The following STARD9 variants were observed in gnomAD, a reference collection of about 807,000 sequenced individuals.
STARD9 encodes the protein StAR related lipid transfer domain containing 9, also known as stAR-related lipid transfer protein 9.
A neutral mutation model predicts 399.8 loss-of-function variants in STARD9; 346 were observed. That is an observed-to-expected ratio of 0.87 (90% CI 0.79 to 0.95). The LOEUF (loss-of-function observed/expected upper bound fraction) is 0.95. STARD9 is among the 40% of genes least tolerant of loss of function. The pLI, the probability that STARD9 is intolerant of heterozygous loss-of-function variation, is 0.00. For synonymous variants in STARD9, 2,203 were observed against 2,143.5 expected (o/e 1.03, Z -0.77); for missense variants, 5,832 against 5,667.5 (o/e 1.03, Z -0.93).
Position 42,692,569 on chromosome 15 carries a change from G to C in STARD9, c.10991G>C (p.Ser3664Thr). Residue 3664 changes from serine to threonine, a missense_variant, in exon 23 of 33, where the codon AGT becomes ACT. Ser to Thr is a moderately conservative substitution (Grantham distance 58). This residue lies in a region of STARD9 where 5,828 missense variants were observed against 5,651.1 expected (regional missense o/e 1.03). Coordinates refer to ENST00000290607, the MANE Select transcript of STARD9 (RefSeq NM_020759.3). ...ATCTCCTTTGCTCAGCCTGAAGCCA[G>C]TGCAGTATCAGCCTTTGATCTGGCC... ...TDISFAQPEASAVSAFDLASW... is the reference protein window; with the variant it reads ...TDISFAQPEATAVSAFDLASW... 1 of 1,537,238 alleles carries C rather than the reference G, an allele frequency of 6.5e-7. No individual in the cohort carries two copies. The highest frequency in any genetic ancestry group is 8.7e-7 in the Non-Finnish European group (1 of 1,146,928).
intron 3 of STARD9, among the ~76,000 whole-genome samples, chr15:42,588,456 GA>G (rs2058324480): frequency 6.6e-6 from 1 of 152,162 alleles, no homozygotes; most frequent in Non-Finnish European, 1.5e-5. Flanking sequence ...AGTGTCTCCT[GA>G]GGTTTCTTCT....
At position 42,692,291 on chromosome 15, in the gene STARD9, C is replaced by T. The variant is rs2060727631; in HGVS notation, c.10713C>T (p.Ile3571=). Residue 3571 remains isoleucine (I), a synonymous_variant, in exon 23 of 33, where the codon ATC becomes ATT. Coordinates refer to ENST00000290607, the MANE Select transcript of STARD9 (RefSeq NM_020759.3). ...SSSIALGDPH[I]PTSPEGVAPT... is the part of the protein sequence containing the mutation. Reference sequence around the variant, plus strand: ...CAATTGCCTTAGGAGACCCCCACATCCCGACGAGCCCTGAAGGAGTAGCCC... The same window carrying T: ...CAATTGCCTTAGGAGACCCCCACATTCCGACGAGCCCTGAAGGAGTAGCCC... The T allele has an allele frequency of 6.5e-7, 1 of 1,536,940 alleles. No individual in the cohort carries two copies. The highest frequency in any genetic ancestry group is 2.4e-5 in the East Asian group (1 of 40,912).
intron 3 of STARD9, among the ~76,000 whole-genome samples, chr15:42,606,543 C>T (rs796532793): frequency 1.3e-5 from 2 of 151,380 alleles, no homozygotes; most frequent in African/African-American, 4.8e-5. Context: ...GCAACCTTCA[C>T]CTCCTGGGCT....
chr15:42,606,858 C>T (rs2058734882), intron 3 of STARD9, among the ~76,000 whole-genome samples: 1 of 152,140 alleles, frequency 6.6e-6, no homozygotes, highest in Non-Finnish European at 1.5e-5. Context: ...GACCCAGCTA[C>T]TCTCTAAGGC....
chr15:42,609,587 G>A (rs1027869047), intron 3 of STARD9, among the ~76,000 whole-genome samples: 10 of 151,648 alleles, frequency 6.6e-5, no homozygotes, highest in African/African-American at 9.7e-5. Flanking sequence ...CTACAGGCAC[G>A]CGCCACCACG....
intron 3 of STARD9, among the ~76,000 whole-genome samples, chr15:42,619,911 G>A (rs748336614): frequency 6.6e-6 from 1 of 152,206 alleles, no homozygotes; most frequent in Non-Finnish European, 1.5e-5. Context: ...CCTAAGGCTT[G>A]AGGTTGGGGT....
Position 42,682,226 on chromosome 15 carries a change from G to A in STARD9, c.2188G>A (p.Asp730Asn), listed in dbSNP as rs1566930740. ...GGCACTTGATGCTTGGCTTCAGACA[G>A]ATCCTGAGATTCAGCCATCCCCATT... ...SVALDAWLQT[D>N]PEIQPSPFVQ... The change falls in exon 22 of 33, where the codon GAT becomes AAT. Residue 730 changes from aspartate (D) to asparagine (N), a missense_variant. Coordinates refer to ENST00000290607, the MANE Select transcript of STARD9 (RefSeq NM_020759.3). 7 of 1,537,286 alleles carry A rather than the reference G, an allele frequency of 4.6e-6. No homozygotes were observed. Among genetic ancestry groups the A allele is most frequent in the Non-Finnish European group, 5.2e-6 (6 of 1,146,912 alleles).
chr15:42,623,409 A>G lies in STARD9; in HGVS notation c.235-11447A>G, dbSNP rs531652303. 9.6e-4 allele frequency among the ~76,000 whole-genome samples: 145 copies of G among 151,542 alleles called. 2 individuals carry two copies. Among genetic ancestry groups the G allele is most frequent in the Non-Finnish European group, 1.3e-3 (87 of 68,018 alleles). On this transcript the variant is annotated intron_variant, in intron 3 of 32. Coordinates refer to ENST00000290607, the MANE Select transcript of STARD9 (RefSeq NM_020759.3). ...TGGTATTGAACTGTTTACTGACTCT[A>G]TGGTCTATCTCTCCAACTATATGAT... is the stretch of plus-strand genomic sequence containing the variant.
Position 42,694,254 on chromosome 15 carries a change from G to T in STARD9, c.12676G>T (p.Ala4226Ser). The change falls in exon 23 of 33, where the codon GCC becomes TCC. Residue 4226 changes from alanine to serine, a missense_variant. Physicochemically the swap from Ala to Ser is moderately conservative, Grantham distance 99. Transcript: ENST00000290607. The stretch of plus-strand genomic sequence containing the variant: ...GCACCATGGCTTTGGGGAGGCCGAT[G>T]CCCTGCTCCAGGTGCTGCAGAGTGG... ...KLHHGFGEAD[A>S]LLQVLQSGTG... The T allele has an allele frequency of 6.5e-7, 1 of 1,529,452 alleles. No individual in the cohort carries two copies. Among genetic ancestry groups the T allele is most frequent in the Non-Finnish European group, 8.7e-7 (1 of 1,142,934 alleles). The allele number at this position is 1,529,452 out of a possible 1,614,324, so 94.7% of individuals were successfully genotyped here.
intron 4 of STARD9, among the ~76,000 whole-genome samples, 151 bp downstream of exon 4, chr15:42,635,123 C>T (rs556687713): frequency 3.3e-5 from 5 of 151,774 alleles, no homozygotes; most frequent in African/African-American, 1.2e-4. Context: ...ATGAGTTTTT[C>T]GGCTGGGCGC....
intron 26 of STARD9, among the ~76,000 whole-genome samples, chr15:42,713,357 T>C (rs1276993946): frequency 2.0e-5 from 3 of 152,228 alleles, no homozygotes; most frequent in Non-Finnish European, 4.4e-5. Context: ...AGATATTCTA[T>C]ATGCAAGATC....
At chr15:42,639,863 CAAAAA>C (rs964883921) in intron 7 of STARD9, among the ~76,000 whole-genome samples, 1 of 113,684 alleles carries the variant, frequency 8.8e-6, no homozygotes, top group Admixed American at 9.3e-5. Context: ...GACGCCATCT[CAAAAA>C]AAAAAAAAAA....
chr15:42,653,014 A>G (rs1347338240), intron 9 of STARD9, among the ~76,000 whole-genome samples: 1 of 152,126 alleles, frequency 6.6e-6, no homozygotes, highest in Non-Finnish European at 1.5e-5. Context: ...TCATATTTAT[A>G]GGTCCTCTGA....
Position 42,649,313 on chromosome 15 carries a change from C to CCACT in STARD9, c.560-1702_560-1699dup, listed in dbSNP as rs1265969255. ...AAAGTGTTGGGATTACAGGCGTGAG[C>CCACT]CACTGCACCCGGCTCCCTCCATATT... On this transcript the variant is annotated intron_variant, in intron 7 of 32. Coordinates refer to ENST00000290607, the MANE Select transcript of STARD9 (RefSeq NM_020759.3). Among the ~76,000 whole-genome samples the CCACT allele has an allele frequency of 3.3e-5, 5 of 152,254 alleles. No individual in the cohort carries two copies. In the East Asian group the frequency reaches 9.7e-4, roughly 29 times the overall value.
chr15:42,608,457 C>G (rs1432661655), intron 3 of STARD9, among the ~76,000 whole-genome samples: 3 of 152,196 alleles, frequency 2.0e-5, no homozygotes. Context: ...AGCTCCCTTG[C>G]TTCTCTTACA....
At chr15:42,658,400 C>T (rs2059920786) in intron 9 of STARD9, among the ~76,000 whole-genome samples, 1 of 150,306 alleles carries the variant, frequency 6.7e-6, no homozygotes, top group Admixed American at 6.7e-5. Flanking sequence ...GGTCTTAAAT[C>T]CCTAGGCTCA....
At chr15:42,633,505 C>G (rs568091470) in intron 3 of STARD9, among the ~76,000 whole-genome samples, 2 of 152,096 alleles carry the variant, frequency 1.3e-5, no homozygotes, top group Non-Finnish European at 2.9e-5. Context: ...CACTGTATGC[C>G]CAGCAGCAGT....
At position 42,575,633 on chromosome 15, in the gene STARD9, G is replaced by T; in HGVS notation, c.-83G>T. On this transcript the variant is annotated 5_prime_UTR_variant, in exon 1 of 33. Transcript: ENST00000290607. ...AGGCGCGTGGGGCGGGCGGGGCTGG[G>T]TTGGGGCTGTGTCTGGGCTTAGGGC... 6 of 1,465,314 alleles carry T rather than the reference G, an allele frequency of 4.1e-6. No individual in the cohort carries two copies. In the Middle Eastern group the frequency reaches 9.4e-4, roughly 230 times the overall value. 90.8% of individuals were successfully genotyped at this position (1,465,314 alleles called of 1,614,324 possible). A position where few individuals can be genotyped will look rare whatever the true frequency, so the allele number is the denominator to read the frequency against.
intron 3 of STARD9, among the ~76,000 whole-genome samples, chr15:42,621,483 T>C (rs2141853970): frequency 6.6e-6 from 1 of 152,278 alleles, no homozygotes; most frequent in East Asian, 1.9e-4. Context: ...AGAACTACGA[T>C]AGGTTCAGAT....
Sources: allele counts gnomAD v4.1 joint callset (sites outside exome capture counted in the v4.1 genomes callset), GRCh38; gene constraint gnomAD v4.1.1; regional missense constraint gnomAD v4.1.1; transcripts MANE v1.5; gene names NCBI Gene and HGNC (gene_info 2026-07-23, HGNC 2026-07-21).